Variants in APOL4 observed in about 807,000 individuals in gnomAD.
The protein encoded by APOL4 is apolipoprotein L, 4.
A neutral mutation model predicts 12.1 loss-of-function variants in APOL4; 14 were observed. The ratio of observed to expected loss-of-function variants is 1.16; its 90% CI spans 0.76 to 1.81. The LOEUF is 1.81. Among genes scored for constraint, APOL4 ranks in the 40% most tolerant of loss-of-function variants. APOL4 has a pLI of 0.00. For synonymous variants in APOL4, 171 were observed against 160.6 expected, an observed-to-expected ratio of 1.06 and a Z score of -0.49; for missense variants, 432 against 423.1, an observed-to-expected ratio of 1.02 and a Z score of -0.18.
upstream of APOL4, among the ~76,000 whole-genome samples, chr22:36,203,381 C>A (rs1401713860): frequency 6.6e-6 from 1 of 152,122 alleles, no homozygotes; most frequent in Admixed American, 6.5e-5. Context: ...GTGGGATGGT[C>A]ACATGGGGAT....
At chr22:36,202,494 G>A (rs1321684064), upstream of APOL4, among the ~76,000 whole-genome samples, 5 of 152,162 alleles carry the variant, frequency 3.3e-5, no homozygotes, top group Admixed American at 1.3e-4. Context: ...TTGGGAGGCC[G>A]AGGCAGGCAG....
At chr22:36,195,760 TC>T (rs1222019137) in intron 2 of APOL4, among the ~76,000 whole-genome samples, 2 of 113,504 alleles carry the variant, frequency 1.8e-5, no homozygotes, top group African/African-American at 5.7e-5. Context: ...TCTCTCTCTC[TC>T]TCTCTCTCTC....
At chr22:36,200,758 G>C (rs185099808) in intron 1 of APOL4, among the ~76,000 whole-genome samples, 1 of 152,198 alleles carries the variant, frequency 6.6e-6, no homozygotes, top group Non-Finnish European at 1.5e-5. Flanking sequence ...ACTCAAACTA[G>C]CAGTATATGA....
At chr22:36,202,182 T>C, upstream of APOL4, 4 of 1,303,694 alleles carry the variant, frequency 3.1e-6, no homozygotes, top group African/African-American at 1.5e-5. Context: ...TCCTAGCTCA[T>C]TGCTGCCTAG....
intron 2 of APOL4, among the ~76,000 whole-genome samples, 175 bp downstream of exon 2, chr22:36,199,155 G>A (rs921517600): frequency 1.3e-5 from 2 of 152,200 alleles, no homozygotes; most frequent in African/African-American, 2.4e-5. Flanking sequence ...CCTGGGTCAG[G>A]GGACTCCACG....
intron 2 of APOL4, chr22:36,197,861 A>G: frequency 6.5e-7 from 1 of 1,534,432 alleles, no homozygotes; most frequent in African/African-American, 1.4e-5. Flanking sequence ...CAATCTGGCT[A>G]AGACCAGTAA....
In APOL4 at chr22:36,191,587, A is replaced by G. The variant is rs773152139; in HGVS notation, c.535T>C (p.Ser179Pro). The G allele has an allele frequency of 2.5e-5, 40 of 1,613,576 alleles. No individual in the cohort carries two copies. In the Admixed American group the frequency reaches 4.7e-4, roughly 19 times the overall value. The part of the protein sequence containing the change: ...TAAGVGLGIA[S>P]ATAGIASSIV... ...CTGGAGGCGATCCCAGCCGTGGCAG[A>G]TGCTATTCCCAGCCCTACCCCAGCT... The change falls in exon 4 of 4, where the codon TCT (serine) becomes CCT (proline). Residue 179 changes from serine (S) to proline (P), a missense_variant. Ser to Pro is a moderately conservative substitution (Grantham distance 74, BLOSUM62 -1). Transcript: ENST00000683024.
intron 3 of APOL4, among the ~76,000 whole-genome samples, chr22:36,193,099 C>A (rs2146937195): frequency 6.6e-6 from 1 of 152,312 alleles, no homozygotes; most frequent in Admixed American, 6.5e-5. Context: ...CACACTTGCT[C>A]TCTGATCACG....
intron 1 of APOL4, among the ~76,000 whole-genome samples, chr22:36,200,129 A>G (rs1011541095): frequency 1.3e-5 from 2 of 152,152 alleles, no homozygotes; most frequent in East Asian, 1.9e-4. Context: ...GGCTTCTGAC[A>G]TGTGTCTCAT....
intron 3 of APOL4, among the ~76,000 whole-genome samples, chr22:36,194,921 T>G (rs1355373930): frequency 6.6e-6 from 1 of 152,230 alleles, no homozygotes; most frequent in Non-Finnish European, 1.5e-5. Context: ...TGCCAGCAAG[T>G]TTTGTAAAAG....
At chr22:36,197,488 G>A in intron 2 of APOL4, 2 of 1,138,966 alleles carry the variant, frequency 1.8e-6, no homozygotes, top group Non-Finnish European at 2.3e-6. Context: ...TTGATGGGGT[G>A]GGGATGGTGA....
At chr22:36,202,551 C>T (rs1051781316), upstream of APOL4, among the ~76,000 whole-genome samples, 4 of 152,104 alleles carry the variant, frequency 2.6e-5, no homozygotes, top group African/African-American at 9.7e-5. Context: ...CATGGTGAAA[C>T]CCCATCTCTA....
chr22:36,201,327 C>T (rs2014566313), intron 1 of APOL4, among the ~76,000 whole-genome samples: 1 of 150,006 alleles, frequency 6.7e-6, no homozygotes, highest in Admixed American at 6.7e-5. Flanking sequence ...TGATGGGGTT[C>T]CATCCTCCAG....
rs2146933108 is a variant in APOL4 at position 36,190,738 on chromosome 22, AT to A, written c.*336del. The A allele has an allele frequency of 4.4e-6, 1 of 229,798 alleles. No individual in the cohort carries two copies. The highest frequency in any genetic ancestry group is 2.3e-5 in the African/African-American group (1 of 44,404). 14.2% of individuals were successfully genotyped at this position (229,798 alleles called of 1,614,324 possible). On this transcript the variant is annotated 3_prime_UTR_variant, in exon 4 of 4. Coordinates refer to ENST00000683024, the MANE Select transcript of APOL4 (RefSeq NM_001386885.1). ...TTTTTTCAAGGTGCCCAGATTTCAT[AT>A]TGTTCAAACACACATGCTCTACAAT... is the stretch of plus-strand genomic sequence containing the variant.
intron 1 of APOL4, among the ~76,000 whole-genome samples, chr22:36,200,479 G>A (rs1257927156): frequency 1.3e-5 from 2 of 152,208 alleles, no homozygotes; most frequent in Non-Finnish European, 2.9e-5. Context: ...CCTGCCAGAT[G>A]CCGGCCTAGC....
intron 3 of APOL4, among the ~76,000 whole-genome samples, chr22:36,192,542 C>G (rs1270188630): frequency 6.6e-6 from 1 of 152,090 alleles, no homozygotes; most frequent in African/African-American, 2.4e-5. Context: ...AGAGGGGAAA[C>G]TTTGTAGAAA....
chr22:36,193,643 T>A lies in APOL4; in HGVS notation c.209+1668A>T, dbSNP rs546132242. On this transcript the variant is annotated intron_variant, in intron 3 of 3. Coordinates refer to ENST00000683024, the MANE Select transcript of APOL4 (RefSeq NM_001386885.1). ...TCAAGTTTGCAACTGGTGTCAGAAGTAAGGGTGCACTCGAACGTTGCAGTT... is the reference window on the plus strand; with the variant it reads ...TCAAGTTTGCAACTGGTGTCAGAAGAAAGGGTGCACTCGAACGTTGCAGTT... Among the ~76,000 whole-genome samples the A allele has an allele frequency of 4.6e-5, 7 of 152,298 alleles. No individual in the cohort carries two copies. In the South Asian group the frequency reaches 1.5e-3, roughly 32 times the overall value.
chr22:36,202,682 C>T (rs546807456), upstream of APOL4, among the ~76,000 whole-genome samples: 79 of 151,286 alleles, frequency 5.2e-4, no homozygotes, highest in African/African-American at 1.5e-3. Flanking sequence ...GCAGAGATTG[C>T]GCCACTGCAC....
Position 36,190,309 on chromosome 22 carries a change from C to T in APOL4, c.*766G>A, listed in dbSNP as rs991818191. On this transcript the variant is annotated 3_prime_UTR_variant, in exon 4 of 4. Coordinates refer to ENST00000683024, the MANE Select transcript of APOL4 (RefSeq NM_001386885.1). ...GGGCGAGATCACAGGAACACAGGAC[C>T]GGGGAGAAATTAAAATTGCTAATGA... The T allele has an allele frequency of 3.3e-5, 5 of 152,140 alleles. No homozygotes were observed. The highest frequency in any genetic ancestry group is 1.2e-4 in the African/African-American group (5 of 41,400). 9.4% of individuals were successfully genotyped at this position (152,140 alleles called of 1,614,324 possible). A position where few individuals can be genotyped will look rare whatever the true frequency, so the allele number is the denominator to read the frequency against.
Sources: allele counts gnomAD v4.1 joint callset (sites outside exome capture counted in the v4.1 genomes callset), GRCh38; gene constraint gnomAD v4.1.1; transcripts MANE v1.5; gene names NCBI Gene and HGNC (gene_info 2026-07-23, HGNC 2026-07-21).